The following PTPRA variants were observed in gnomAD, a reference collection of about 807,000 sequenced individuals.
PTPRA encodes the protein protein tyrosine phosphatase receptor type A.
Under a neutral mutation model 104.8 loss-of-function variants are expected in PTPRA, and 25 were observed. The observed-to-expected ratio is 0.24, with a 90% CI of 0.17 to 0.33. The LOEUF (loss-of-function observed/expected upper bound fraction) is 0.33. PTPRA is among the 10% of genes least tolerant of loss of function. The probability of loss-of-function intolerance (pLI) is 1.00; values close to 1 mark genes in which losing one functional copy is unlikely to be tolerated. For missense variants in PTPRA, 765 were observed against 1,015.3 expected (o/e 0.75, Z 3.35); for synonymous variants, 323 against 368.9 (o/e 0.88, Z 1.43).
intron 9 of PTPRA, among the ~76,000 whole-genome samples, chr20:3,000,073 C>G (rs567090349): frequency 2.2e-4 from 33 of 152,214 alleles, no homozygotes; most frequent in African/African-American, 7.7e-4. Flanking sequence ...ATCACAAGGT[C>G]AGGAGTTCGA....
intron 6 of PTPRA, among the ~76,000 whole-genome samples, chr20:2,985,575 GA>G (rs775613024): frequency 4.2e-4 from 64 of 152,140 alleles, no homozygotes; most frequent in Non-Finnish European, 5.9e-4. Flanking sequence ...AGCTGCATGA[GA>G]AAACAAGGCT....
chr20:2,884,649 TA>T (rs2090267302), intron 1 of PTPRA, among the ~76,000 whole-genome samples: 1 of 152,184 alleles, frequency 6.6e-6, no homozygotes, highest in African/African-American at 2.4e-5. Flanking sequence ...GTTACTTATA[TA>T]TTTTTAGATA....
At chr20:3,008,893 C>T (rs2064013448) in intron 11 of PTPRA, among the ~76,000 whole-genome samples, 1 of 151,482 alleles carries the variant, frequency 6.6e-6, no homozygotes, top group African/African-American at 2.4e-5. Context: ...GCCTGGGCGA[C>T]AGGGTGAGAC....
chr20:2,917,390 A>C (rs558264354), intron 1 of PTPRA, among the ~76,000 whole-genome samples: 155 of 152,218 alleles, frequency 1.0e-3, no homozygotes, highest in Non-Finnish European at 1.8e-3. Flanking sequence ...CAATTTCATG[A>C]GAGATTATTT....
At chr20:2,929,654 A>G (rs1232026784) in intron 2 of PTPRA, among the ~76,000 whole-genome samples, 2 of 152,000 alleles carry the variant, frequency 1.3e-5, no homozygotes, top group Non-Finnish European at 2.9e-5. Flanking sequence ...GGGAGATCCC[A>G]TCTCTACAAA....
chr20:2,957,374 T>C lies in PTPRA; in HGVS notation c.-6-6898T>C, dbSNP rs539050740. ...TCTTTTCATAGATTTAAGAGAACTG[T>C]ATGGTTTTTTGTGAGTTATGTTTCA... On this transcript the variant is annotated intron_variant, in intron 3 of 23. Coordinates refer to ENST00000399903, the MANE Select transcript of PTPRA (RefSeq NM_001385305.1). 5.9e-5 allele frequency among the ~76,000 whole-genome samples: 9 copies of C among 152,340 alleles called. No individual in the cohort carries two copies. The South Asian group carries it at 8.3e-4, about 14-fold the overall frequency.
In PTPRA at chr20:3,038,188, CTGTTT is replaced by C; in HGVS notation, c.*60_*64del. ...ATTGCCTTTAATATTTTGTAATATT[CTGTTT>C]TGTTAATATACCCCAAATTGTGTAT... On this transcript the variant is annotated 3_prime_UTR_variant, in exon 24 of 24. Transcript: ENST00000399903. The C allele has an allele frequency of 1.3e-6, 2 of 1,505,520 alleles. No individual in the cohort carries two copies. Among genetic ancestry groups the C allele is most frequent in the Non-Finnish European group, 1.8e-6 (2 of 1,082,834 alleles). The allele number at this position is 1,505,520 out of a possible 1,614,324, so 93.3% of individuals were successfully genotyped here.
chr20:2,913,449 C>T (rs75001408), intron 1 of PTPRA, among the ~76,000 whole-genome samples: 5,746 of 152,154 alleles, frequency 0.038, 270 homozygotes, highest in Admixed American at 0.11. Context: ...AGGCCCCATT[C>T]GAGTTATTCT....
At chr20:2,962,553 CTTG>C (rs2061792946) in intron 3 of PTPRA, among the ~76,000 whole-genome samples, 2 of 152,256 alleles carry the variant, frequency 1.3e-5, no homozygotes, top group South Asian at 4.1e-4. Flanking sequence ...CAGCCTTCCA[CTTG>C]TTGTTTGACC....
intron 3 of PTPRA, among the ~76,000 whole-genome samples, chr20:2,954,037 G>A (rs1337037933): frequency 6.8e-6 from 1 of 147,002 alleles, no homozygotes; most frequent in Non-Finnish European, 1.5e-5. Context: ...AGCCTTCCAT[G>A]TAGCTACGTC....
chr20:2,947,502 T>C (rs776146711), intron 2 of PTPRA, among the ~76,000 whole-genome samples: 9 of 152,186 alleles, frequency 5.9e-5, no homozygotes, highest in Non-Finnish European at 1.0e-4. Context: ...TTTAAGTGGG[T>C]CATCTGACTT....
chr20:2,904,248 C>T (rs2059336157), intron 1 of PTPRA, among the ~76,000 whole-genome samples: 1 of 152,000 alleles, frequency 6.6e-6, no homozygotes, highest in Non-Finnish European at 1.5e-5. Flanking sequence ...ATGTTAAGTG[C>T]TACACTAGCA....
intron 1 of PTPRA, among the ~76,000 whole-genome samples, chr20:2,876,597 T>A (rs1600037399): frequency 1.3e-5 from 2 of 152,260 alleles, no homozygotes; most frequent in East Asian, 3.8e-4. Flanking sequence ...TTGGGTTAAA[T>A]ATTTGTTTCC....
chr20:3,005,105 A>G lies in PTPRA; in HGVS notation c.788A>G (p.Glu263Gly), dbSNP rs1440677969. ...IQATCEAASK[E>G]ENKEKNRYVN... is the part of the protein sequence containing the mutation. ...GCCACCTGTGAGGCTGCTTCCAAGG[A>G]GGAAAACAAGGAAAAAAATCGATAT... The change falls in exon 10 of 24, where the codon GAG becomes GGG. Residue 263 changes from glutamate (E) to glycine (G), a missense_variant. By Grantham distance (98) the Glu-to-Gly change is moderately conservative. Coordinates refer to ENST00000399903, the MANE Select transcript of PTPRA (RefSeq NM_001385305.1). 8.7e-6 allele frequency: 14 copies of G among 1,610,808 alleles called. No homozygotes were observed. Among genetic ancestry groups the G allele is most frequent in the Non-Finnish European group, 1.2e-5 (14 of 1,177,104 alleles).
chr20:2,908,627 T>G (rs2059513035), intron 1 of PTPRA, among the ~76,000 whole-genome samples: 1 of 152,106 alleles, frequency 6.6e-6, no homozygotes, highest in African/African-American at 2.4e-5. Flanking sequence ...GTGTGGTGGC[T>G]CACACTTGTA....
chr20:3,013,909 C>T (rs569005585), intron 11 of PTPRA, among the ~76,000 whole-genome samples: 95 of 152,174 alleles, frequency 6.2e-4, no homozygotes, highest in Middle Eastern at 3.4e-3. Flanking sequence ...TAAGCAGTGC[C>T]GCCACATCAC....
At chr20:3,023,778 G>A (rs1266090033) in intron 16 of PTPRA, among the ~76,000 whole-genome samples, 3 of 152,142 alleles carry the variant, frequency 2.0e-5, no homozygotes, top group Admixed American at 6.5e-5. Context: ...GCTGAGCACC[G>A]GTCCCCTGGC....
chr20:2,895,700 T>C (rs921699335), intron 1 of PTPRA, among the ~76,000 whole-genome samples: 2 of 152,042 alleles, frequency 1.3e-5, no homozygotes, highest in African/African-American at 4.8e-5. Context: ...TGGCTAATTT[T>C]TGAAGTTTTA....
intron 10 of PTPRA, among the ~76,000 whole-genome samples, chr20:3,006,635 T>C (rs2063886781): frequency 6.6e-6 from 1 of 152,182 alleles, no homozygotes. Flanking sequence ...ACAGATACTT[T>C]TGTCTTTTTC....
Sources: allele counts gnomAD v4.1 joint callset (sites outside exome capture counted in the v4.1 genomes callset), GRCh38; gene constraint gnomAD v4.1.1; transcripts MANE v1.5; gene names NCBI Gene and HGNC (gene_info 2026-07-23, HGNC 2026-07-21).